RSPO2: variants seen among roughly 807,000 people sequenced by gnomAD.
RSPO2 encodes the protein R-spondin-2.
Under a neutral mutation model 30.9 loss-of-function variants are expected in RSPO2, and 14 were observed. That is an observed-to-expected ratio of 0.45 (90% CI 0.30 to 0.71). The LOEUF (loss-of-function observed/expected upper bound fraction) is 0.71. Ranked by LOEUF, RSPO2 falls within the 30% of genes least tolerant of loss-of-function variation. The pLI is 0.08. For synonymous variants in RSPO2, 107 were observed against 96.4 expected (o/e 1.11, Z -0.64); for missense variants, 264 against 301.9 (o/e 0.87, Z 0.93).
chr8:108,003,366 T>G lies in RSPO2; in HGVS notation c.95-14122A>C, dbSNP rs1315940349. Among the ~76,000 whole-genome samples, 17 of 136,278 alleles carry G rather than the reference T, an allele frequency of 1.2e-4. No homozygotes were observed. In the Admixed American group the frequency reaches 1.4e-3, roughly 11 times the overall value. The allele number at this position is 136,278 out of a possible 152,430, so 89.4% of individuals were successfully genotyped here. A position where few individuals can be genotyped will look rare whatever the true frequency, so the allele number is the denominator to read the frequency against. ...TAGAGACGGGGTTTCTCCATGTTGG[T>G]CAGGCTGGTCTCAAACTCCTGGCCT... On this transcript the variant is annotated intron_variant, in intron 2 of 5. Transcript: ENST00000276659.
At chr8:108,069,200 AACACACACACAC>A (rs56977468) in intron 2 of RSPO2, among the ~76,000 whole-genome samples, 3,487 of 148,352 alleles carry the variant, frequency 0.024, 119 homozygotes, top group African/African-American at 0.08. Context: ...TGTATGTGTG[AACACACACACAC>A]ACACACACAC....
At chr8:107,926,024 A>G (rs928723320) in intron 5 of RSPO2, among the ~76,000 whole-genome samples, 22 of 152,184 alleles carry the variant, frequency 1.4e-4, no homozygotes, top group Admixed American at 7.9e-4. Context: ...CCCACCAACA[A>G]TGTAAAAGTG....
chr8:108,062,342 T>C (rs1469503659), intron 2 of RSPO2, among the ~76,000 whole-genome samples: 2 of 151,674 alleles, frequency 1.3e-5, no homozygotes, highest in Non-Finnish European at 2.9e-5. Flanking sequence ...CAATAAAATA[T>C]GACAAAGGGG....
chr8:108,009,216 T>C (rs919808168), intron 2 of RSPO2, among the ~76,000 whole-genome samples: 1 of 152,204 alleles, frequency 6.6e-6, no homozygotes, highest in African/African-American at 2.4e-5. Flanking sequence ...GTAATATTAC[T>C]TCTATGAAAT....
At chr8:108,052,202 A>ATTAC in intron 2 of RSPO2, among the ~76,000 whole-genome samples, 1 of 152,164 alleles carries the variant, frequency 6.6e-6, no homozygotes, top group East Asian at 1.9e-4. Context: ...CTATGAACTG[A>ATTAC]TTACTTTTTA....
At chr8:108,066,870 A>C (rs1812688666) in intron 2 of RSPO2, among the ~76,000 whole-genome samples, 1 of 152,228 alleles carries the variant, frequency 6.6e-6, no homozygotes, top group Non-Finnish European at 1.5e-5. Flanking sequence ...GGTTAATCTC[A>C]GCATGACTAA....
chr8:107,935,173 A>G (rs1349611233), intron 5 of RSPO2, among the ~76,000 whole-genome samples: 1 of 152,154 alleles, frequency 6.6e-6, no homozygotes, highest in African/African-American at 2.4e-5. Context: ...TCAGCAAGGA[A>G]CAGCCCTAAG....
chr8:107,944,821 T>C (rs1340739260), intron 5 of RSPO2, among the ~76,000 whole-genome samples: 1 of 152,088 alleles, frequency 6.6e-6, no homozygotes, highest in African/African-American at 2.4e-5. Flanking sequence ...ACATGCTCTT[T>C]TTACTCATGC....
chr8:107,983,162 G>C, intron 3 of RSPO2: 1 of 1,534,116 alleles, frequency 6.5e-7, no homozygotes, highest in Non-Finnish European at 8.9e-7. Context: ...CAACAGAGCA[G>C]ATGAGCAGAC....
chr8:107,902,721 G>A (rs372756887), intron 5 of RSPO2, among the ~76,000 whole-genome samples: 1 of 152,012 alleles, frequency 6.6e-6, no homozygotes, highest in Non-Finnish European at 1.5e-5. Flanking sequence ...GCACTTAGTC[G>A]ATAGTCAATA....
chr8:107,909,627 A>G (rs1256002569), intron 5 of RSPO2, among the ~76,000 whole-genome samples: 2 of 152,198 alleles, frequency 1.3e-5, no homozygotes, highest in Non-Finnish European at 2.9e-5. Context: ...AAGGCAAAGA[A>G]GCACTGAAGA....
intron 3 of RSPO2, among the ~76,000 whole-genome samples, chr8:107,988,714 G>A (rs926078547): frequency 2.0e-5 from 3 of 151,982 alleles, no homozygotes; most frequent in Admixed American, 6.5e-5. Flanking sequence ...TGCAACCTCC[G>A]CCTCCCAGGT....
chr8:107,979,625 T>A (rs1814351999), intron 3 of RSPO2, among the ~76,000 whole-genome samples: 1 of 151,888 alleles, frequency 6.6e-6, no homozygotes, highest in Non-Finnish European at 1.5e-5. Context: ...TGTATACATA[T>A]GTAACAAACC....
chr8:107,971,464 A>C (rs193135358), intron 3 of RSPO2, among the ~76,000 whole-genome samples: 4 of 152,328 alleles, frequency 2.6e-5, no homozygotes, highest in Admixed American at 2.6e-4. Flanking sequence ...ATGCCCTTTG[A>C]GTTTTCCATA....
chr8:108,033,967 T>C (rs541699023), intron 2 of RSPO2, among the ~76,000 whole-genome samples: 1 of 152,304 alleles, frequency 6.6e-6, no homozygotes, highest in African/African-American at 2.4e-5. Context: ...AAAACAGTAA[T>C]TGCAGGACTA....
intron 2 of RSPO2, among the ~76,000 whole-genome samples, chr8:108,035,428 G>A (rs752305603): frequency 4.8e-4 from 73 of 152,186 alleles, no homozygotes; most frequent in Admixed American, 8.5e-4. Context: ...TTCCTCACCA[G>A]TTCTTTTTTT....
At chr8:107,962,805 C>G (rs1186898732) in intron 3 of RSPO2, among the ~76,000 whole-genome samples, 3 of 151,982 alleles carry the variant, frequency 2.0e-5, no homozygotes, top group Non-Finnish European at 4.4e-5. Flanking sequence ...AAAAGCTCTT[C>G]TACTTAAAGA....
rs374227173 is a variant in RSPO2 at position 107,930,873 on chromosome 8, C to T, written c.616+27207G>A. Among the ~76,000 whole-genome samples the T allele has an allele frequency of 1.2e-4, 19 of 152,238 alleles. No homozygotes were observed. In the South Asian group the frequency reaches 3.5e-3, roughly 28 times the overall value. On this transcript the variant is annotated intron_variant, in intron 5 of 5. Coordinates refer to ENST00000276659, the MANE Select transcript of RSPO2 (RefSeq NM_178565.5). ...GTGTGTGTCATTTTTCATCCCATGA[C>T]CATATAATATGGTTCGAATCCTTAC...
At chr8:107,942,741 C>T (rs1462459260) in intron 5 of RSPO2, among the ~76,000 whole-genome samples, 3 of 151,994 alleles carry the variant, frequency 2.0e-5, no homozygotes, top group Non-Finnish European at 4.4e-5. Flanking sequence ...ATAACTAATC[C>T]TGATTTTATT....
Sources: allele counts gnomAD v4.1 joint callset (sites outside exome capture counted in the v4.1 genomes callset), GRCh38; gene constraint gnomAD v4.1.1; transcripts MANE v1.5; gene names NCBI Gene and HGNC (gene_info 2026-07-23, HGNC 2026-07-21).